DLGAP2: variants seen among roughly 807,000 people sequenced by gnomAD.
The protein encoded by DLGAP2 is DLG associated protein 2.
In DLGAP2, 26 loss-of-function variants were observed where a neutral mutation model predicts 100.3. The ratio of observed to expected loss-of-function variants is 0.26; its 90% CI spans 0.19 to 0.36. The LOEUF (loss-of-function observed/expected upper bound fraction) is 0.36, where lower values mean the gene tolerates loss of function less well. Ranked by LOEUF, DLGAP2 falls within the 10% of genes least tolerant of loss-of-function variation. The probability of loss-of-function intolerance (pLI) is 1.00; values close to 1 mark genes in which losing one functional copy is unlikely to be tolerated. For missense variants in DLGAP2, 1,858 were observed against 1,453.2 expected, an observed-to-expected ratio of 1.28 and a Z score of -4.53; for synonymous variants, 886 against 630.1, an observed-to-expected ratio of 1.41 and a Z score of -6.08.
chr8:1,482,391 C>T (rs956546761), intron 3 of DLGAP2, among the ~76,000 whole-genome samples: 17 of 152,226 alleles, frequency 1.1e-4, no homozygotes, highest in Non-Finnish European at 2.2e-4. Context: ...TGTGTCTTTA[C>T]ACTAGAAACA....
chr8:1,207,729 A>G (rs1012690779), intron 2 of DLGAP2, among the ~76,000 whole-genome samples: 6 of 152,058 alleles, frequency 3.9e-5, no homozygotes, highest in African/African-American at 1.4e-4. Flanking sequence ...GCCAACATCT[A>G]TTTTTTTATT....
intron 2 of DLGAP2, among the ~76,000 whole-genome samples, chr8:1,219,815 A>C (rs970503277): frequency 6.6e-6 from 1 of 151,986 alleles, no homozygotes; most frequent in East Asian, 1.9e-4. Flanking sequence ...TCAGGATTTC[A>C]GTTTCTTCCT....
Position 1,238,540 on chromosome 8 carries a change from C to T in DLGAP2, c.74-20311C>T, listed in dbSNP as rs1186445788. 5.6e-4 allele frequency among the ~76,000 whole-genome samples: 63 copies of T among 112,458 alleles called. 2 individuals carry two copies. The highest frequency in any genetic ancestry group is 1.1e-3 in the Non-Finnish European group (55 of 51,130). The allele number at this position is 112,458 out of a possible 152,430, so 73.8% of individuals were successfully genotyped here. A position where few individuals can be genotyped will look rare whatever the true frequency, so the allele number is the denominator to read the frequency against. On this transcript the variant is annotated intron_variant, in intron 2 of 14. Coordinates refer to ENST00000637795, the MANE Select transcript of DLGAP2 (RefSeq NM_001346810.2). ...CTCACATGGCGCCGTGTCTGGTTCT[C>T]TCACATGGTGCCGTGTCTAGTTCTC...
At chr8:1,490,344 A>C (rs180885473) in intron 3 of DLGAP2, among the ~76,000 whole-genome samples, 78 of 152,366 alleles carry the variant, frequency 5.1e-4, no homozygotes, top group African/African-American at 1.8e-3. Flanking sequence ...CCTGTGGAGA[A>C]GGAACAGAAG....
At chr8:1,305,373 G>A (rs1181144732) in intron 3 of DLGAP2, among the ~76,000 whole-genome samples, 2 of 152,194 alleles carry the variant, frequency 1.3e-5, no homozygotes, top group Admixed American at 6.5e-5. Flanking sequence ...GTTTGGTTTA[G>A]ATAATTCGTG....
At chr8:1,670,665 G>A (rs1798668734) in intron 10 of DLGAP2, among the ~76,000 whole-genome samples, 1 of 152,188 alleles carries the variant, frequency 6.6e-6, no homozygotes, top group African/African-American at 2.4e-5. Flanking sequence ...GGTGGATGAC[G>A]AAGTCACCTT....
chr8:787,028 C>T (rs1267544918), intron 1 of DLGAP2, among the ~76,000 whole-genome samples: 1 of 152,088 alleles, frequency 6.6e-6, no homozygotes, highest in African/African-American at 2.4e-5. Context: ...TTTCTTTTGG[C>T]TTTCCTTTCT....
chr8:1,392,618 C>G (rs1014065222), intron 3 of DLGAP2, among the ~76,000 whole-genome samples: 3 of 152,196 alleles, frequency 2.0e-5, no homozygotes, highest in African/African-American at 4.8e-5. Context: ...AACTGTGACC[C>G]TACATGGTGT....
intron 4 of DLGAP2, among the ~76,000 whole-genome samples, chr8:1,533,456 A>C (rs2130462547): frequency 6.6e-6 from 1 of 152,130 alleles, no homozygotes; most frequent in South Asian, 2.1e-4. Flanking sequence ...CAGTGAGCCG[A>C]GATCGCGCCA....
intron 6 of DLGAP2, among the ~76,000 whole-genome samples, chr8:1,569,126 A>G (rs1584937455): frequency 6.8e-6 from 1 of 148,068 alleles, no homozygotes; most frequent in East Asian, 2.0e-4. Flanking sequence ...ACCAGACACA[A>G]ATCCACTCTG....
At chr8:1,252,872 T>C (rs1212248287) in intron 2 of DLGAP2, among the ~76,000 whole-genome samples, 1 of 152,216 alleles carries the variant, frequency 6.6e-6, no homozygotes, top group East Asian at 1.9e-4. Context: ...GTTGGTGTTT[T>C]TCTCCCTGTG....
At position 1,678,216 on chromosome 8, in the gene DLGAP2, A is replaced by G; in HGVS notation, c.2291A>G (p.His764Arg). ...VGVQVEDEKR[H>R]GRFKRSNSVT... ...GTCTTCCTTCCCTCCTTTTGCAGAC[A>G]CGGACGTTTTAAACGTTCTAACAGC... Residue 764 changes from histidine to arginine, a missense_variant and splice_region_variant, in exon 12 of 15, where the codon CAC becomes CGC. Coordinates refer to ENST00000637795, the MANE Select transcript of DLGAP2 (RefSeq NM_001346810.2). The G allele has an allele frequency of 1.9e-6, 3 of 1,607,616 alleles. No homozygotes were observed. Among genetic ancestry groups the G allele is most frequent in the Non-Finnish European group, 2.6e-6 (3 of 1,175,824 alleles).
chr8:781,725 C>A (rs1014147125), intron 1 of DLGAP2, among the ~76,000 whole-genome samples: 1 of 152,124 alleles, frequency 6.6e-6, no homozygotes, highest in Non-Finnish European at 1.5e-5. Context: ...TCACACAAAG[C>A]ACATGAAAAA....
At chr8:1,063,051 T>C (rs538754805) in intron 2 of DLGAP2, among the ~76,000 whole-genome samples, 1 of 152,222 alleles carries the variant, frequency 6.6e-6, no homozygotes, top group South Asian at 2.1e-4. Context: ...ATGCAAGCAA[T>C]GGAGTGAGAA....
intron 3 of DLGAP2, among the ~76,000 whole-genome samples, chr8:1,422,851 T>C (rs918615959): frequency 3.9e-5 from 6 of 152,152 alleles, no homozygotes; most frequent in African/African-American, 1.2e-4. Context: ...CAGGGCAGAG[T>C]TGGATGCTGT....
intron 2 of DLGAP2, among the ~76,000 whole-genome samples, chr8:1,238,266 T>C (rs866074522): frequency 2.4e-3 from 74 of 31,482 alleles, no homozygotes; most frequent in Non-Finnish European, 2.6e-3. Flanking sequence ...TCTCACATGG[T>C]ACCGTGTCTA....
chr8:1,269,369 C>T (rs1040818677), intron 3 of DLGAP2, among the ~76,000 whole-genome samples: 7 of 152,308 alleles, frequency 4.6e-5, no homozygotes, highest in East Asian at 1.9e-4. Context: ...CCGTGTGGCA[C>T]GGCGTGGCTC....
intron 2 of DLGAP2, among the ~76,000 whole-genome samples, chr8:1,098,887 T>G (rs1804489412): frequency 6.6e-6 from 1 of 152,136 alleles, no homozygotes; most frequent in Admixed American, 6.5e-5. Flanking sequence ...TCACTTGCTT[T>G]GAACATCACA....
intron 3 of DLGAP2, among the ~76,000 whole-genome samples, chr8:1,273,523 C>T (rs969074767): frequency 2.6e-5 from 4 of 152,152 alleles, no homozygotes; most frequent in Non-Finnish European, 4.4e-5. Flanking sequence ...TTCACGTGCT[C>T]AAGTGTGGAT....
Sources: allele counts gnomAD v4.1 joint callset (sites outside exome capture counted in the v4.1 genomes callset), GRCh38; gene constraint gnomAD v4.1.1; transcripts MANE v1.5; gene names NCBI Gene and HGNC (gene_info 2026-07-23, HGNC 2026-07-21).